TULP4: variants seen among roughly 807,000 people sequenced by gnomAD.
TULP4 encodes the protein tubby-related protein 4.
Under a neutral mutation model 129.0 loss-of-function variants are expected in TULP4, and 16 were observed. That is an observed-to-expected ratio of 0.12 (90% confidence interval 0.08 to 0.19). TULP4 has a LOEUF of 0.19. Ranked by LOEUF, TULP4 falls within the 10% of genes least tolerant of loss-of-function variation. The pLI is 1.00. For missense variants in TULP4, 1,842 were observed against 2,059.1 expected, an observed-to-expected ratio of 0.89 and a Z score of 2.04; for synonymous variants, 998 against 854.0, an observed-to-expected ratio of 1.17 and a Z score of -2.94.
At chr6:158,395,908 G>C (rs558845288) in intron 1 of TULP4, among the ~76,000 whole-genome samples, 1 of 151,858 alleles carries the variant, frequency 6.6e-6, no homozygotes, top group East Asian at 1.9e-4. Flanking sequence ...GCTATGGTTT[G>C]GTATTTTTAT....
At chr6:158,236,141 A>C (rs531281768) in intron 1 of TULP4, among the ~76,000 whole-genome samples, 15 of 152,240 alleles carry the variant, frequency 9.9e-5, no homozygotes, top group African/African-American at 3.6e-4. Context: ...AATTCAATAA[A>C]TCTTAAAGGG....
chr6:158,245,222 T>TG (rs1251521532), intron 1 of TULP4, among the ~76,000 whole-genome samples: 1 of 151,806 alleles, frequency 6.6e-6, no homozygotes, highest in Non-Finnish European at 1.5e-5. Context: ...CTTGAACTCC[T>TG]GGGCTCAAGG....
chr6:158,310,611 C>T (rs1779329233), upstream of TULP4: 1 of 152,224 alleles, frequency 6.6e-6, no homozygotes, highest in East Asian at 1.9e-4. Flanking sequence ...GAAGACAGCA[C>T]CAAGACATTC....
chr6:158,491,455 T>TTTTC (rs1313995938), intron 9 of TULP4, among the ~76,000 whole-genome samples: 1 of 28,084 alleles, frequency 3.6e-5, no homozygotes, highest in Non-Finnish European at 5.7e-5. Context: ...TCTTTCTTTC[T>TTTTC]TTTCTTTCTT....
chr6:158,395,676 G>C (rs917099622), intron 1 of TULP4, among the ~76,000 whole-genome samples: 2 of 133,244 alleles, frequency 1.5e-5, no homozygotes, highest in African/African-American at 2.8e-5. Flanking sequence ...GGCGGGGGGG[G>C]GGTCATGGCA....
At chr6:158,271,311 A>C (rs1202848786) in intron 1 of TULP4, among the ~76,000 whole-genome samples, 1 of 152,174 alleles carries the variant, frequency 6.6e-6, no homozygotes, top group African/African-American at 2.4e-5. Flanking sequence ...GCCTAACCAA[A>C]ATAGGTCCAG....
At chr6:158,350,797 G>T (rs1321710614) in intron 1 of TULP4, among the ~76,000 whole-genome samples, 2 of 150,728 alleles carry the variant, frequency 1.3e-5, no homozygotes, top group Non-Finnish European at 3.0e-5. Context: ...GTCTTGCTCT[G>T]TTGCCCAGGC....
intron 1 of TULP4, among the ~76,000 whole-genome samples, chr6:158,330,990 C>T (rs1211717600): frequency 1.3e-5 from 2 of 152,072 alleles, no homozygotes; most frequent in Non-Finnish European, 2.9e-5. Flanking sequence ...TTCAGGGTGT[C>T]ACATGTGGAG....
At chr6:158,474,327 C>T (rs542027428) in intron 6 of TULP4, among the ~76,000 whole-genome samples, 2 of 152,322 alleles carry the variant, frequency 1.3e-5, no homozygotes, top group South Asian at 2.1e-4. Flanking sequence ...AGCCAGTCCT[C>T]AGCCCAAGGC....
intron 1 of TULP4, among the ~76,000 whole-genome samples, chr6:158,390,931 A>T (rs1777569450): frequency 6.6e-6 from 1 of 152,204 alleles, no homozygotes; most frequent in Non-Finnish European, 1.5e-5. Flanking sequence ...CTCTATAAAA[A>T]GTAAAAAAAT....
intron 2 of TULP4, among the ~76,000 whole-genome samples, chr6:158,423,809 T>A (rs1195812325): frequency 6.6e-6 from 1 of 151,950 alleles, no homozygotes; most frequent in Non-Finnish European, 1.5e-5. Flanking sequence ...CCCGGCTAAT[T>A]TTTTGTATTT....
intron 1 of TULP4, among the ~76,000 whole-genome samples, chr6:158,233,958 C>G (rs1308704208): frequency 6.6e-6 from 1 of 151,808 alleles, no homozygotes; most frequent in Admixed American, 6.6e-5. Flanking sequence ...GTGTTGGCTT[C>G]CGGAGTTAAA....
intron 1 of TULP4, among the ~76,000 whole-genome samples, chr6:158,307,023 AAAAAT>A (rs1331572815): frequency 3.9e-5 from 6 of 152,240 alleles, no homozygotes; most frequent in Non-Finnish European, 8.8e-5. Flanking sequence ...TGTGTCTCAA[AAAAAT>A]AAAATAAAAC....
intron 1 of TULP4, among the ~76,000 whole-genome samples, chr6:158,406,917 T>C (rs1218475100): frequency 6.6e-6 from 1 of 152,222 alleles, no homozygotes. Flanking sequence ...CCCCAGCACA[T>C]GCAGGTTCAG....
intron 1 of TULP4, chr6:158,241,798 T>A (rs1291790210): frequency 2.0e-6 from 1 of 508,214 alleles, no homozygotes; most frequent in East Asian, 3.9e-5. Flanking sequence ...TTTTACCGTA[T>A]TGGCCAGGCT....
intron 1 of TULP4, chr6:158,237,507 G>A: frequency 1.3e-6 from 2 of 1,552,292 alleles, no homozygotes; most frequent in Non-Finnish European, 1.8e-6. Context: ...CAGTTTTTCT[G>A]GCATCCAGTT....
intron 6 of TULP4, among the ~76,000 whole-genome samples, chr6:158,473,612 G>A (rs1229235426): frequency 3.9e-5 from 6 of 152,132 alleles, no homozygotes; most frequent in African/African-American, 1.2e-4. Flanking sequence ...TCTGCCTCCC[G>A]GGTTCAAGTG....
At position 158,267,938 on chromosome 6, in the gene TULP4, G is replaced by C. The variant is rs182976972; in HGVS notation, n.68+35635G>C. 2.0e-3 allele frequency among the ~76,000 whole-genome samples: 306 copies of C among 151,036 alleles called. 1 individual carries two copies. Among genetic ancestry groups the C allele is most frequent in the African/African-American group, 7.2e-3 (298 of 41,200 alleles). On this transcript the variant is annotated intron_variant and non_coding_transcript_variant, in intron 1 of 1. Transcript: ENST00000620026. ...TAGAAATTGAGAAGGGTTTATCAGT[G>C]GTACCTCACTCTGTTTTCCACAGGT...
rs1779928470 is a variant in TULP4 at position 158,480,979 on chromosome 6, C to G, written c.1252-76C>G. 4 of 1,362,316 alleles carry G rather than the reference C, an allele frequency of 2.9e-6. No individual in the cohort carries two copies. In the African/African-American group the frequency reaches 4.4e-5, roughly 15 times the overall value. 84.4% of individuals were successfully genotyped at this position (1,362,316 alleles called of 1,614,324 possible). A position where few individuals can be genotyped will look rare whatever the true frequency, so the allele number is the denominator to read the frequency against. Reference sequence around the variant, plus strand: ...CAGTAGCGTTTTTAGTTGACCTGCCCCCGTGCCCACTCTCTTTCCCTCTCT... The same window carrying G: ...CAGTAGCGTTTTTAGTTGACCTGCCGCCGTGCCCACTCTCTTTCCCTCTCT... On this transcript the variant is annotated intron_variant, in intron 7 of 13. Transcript: ENST00000367097.
Sources: gnomAD v4.1 joint callset for allele counts (sites outside exome capture counted in the v4.1 genomes callset) on GRCh38, gnomAD v4.1.1 for gene constraint, MANE v1.5 for transcripts, NCBI Gene and HGNC (gene_info 2026-07-23, HGNC 2026-07-21) for gene names.